Variants in KCNMB2 observed in about 807,000 individuals in gnomAD.
KCNMB2 encodes potassium calcium-activated channel subfamily M regulatory beta subunit 2.
KCNMB2 carries 9 observed loss-of-function variants against 24.5 expected under a neutral mutation model. That is an observed-to-expected ratio of 0.37 (90% CI 0.22 to 0.64). The LOEUF is 0.64. Among genes scored for constraint, KCNMB2 ranks in the 30% least tolerant of loss-of-function variants. The probability of loss-of-function intolerance (pLI) is 0.63; values close to 1 mark genes in which losing one functional copy is unlikely to be tolerated. For missense variants in KCNMB2, 226 were observed against 284.3 expected, an observed-to-expected ratio of 0.79 and a Z score of 1.47; for synonymous variants, 109 against 104.4, an observed-to-expected ratio of 1.04 and a Z score of -0.27.
Position 178,843,783 on chromosome 3 carries a change from T to C in KCNMB2, c.*846T>C, listed in dbSNP as rs765923871. The C allele has an allele frequency of 1.3e-5, 2 of 152,192 alleles. No homozygotes were observed. The highest frequency in any genetic ancestry group is 2.9e-5 in the Non-Finnish European group (2 of 68,020). 9.4% of individuals were successfully genotyped at this position (152,192 alleles called of 1,614,324 possible). On this transcript the variant is annotated 3_prime_UTR_variant, in exon 5 of 5. Coordinates refer to ENST00000452583, the MANE Select transcript of KCNMB2 (RefSeq NM_181361.3). ...CAATTTAACCATTAGATGGTAAAATTAAGATGCTACTTGTTGGTAAAAATT... is the reference window on the plus strand; with the variant it reads ...CAATTTAACCATTAGATGGTAAAATCAAGATGCTACTTGTTGGTAAAAATT...
chr3:178,760,507 CGT>C (rs34063119), intron 1 of KCNMB2, among the ~76,000 whole-genome samples: 16,732 of 117,366 alleles, frequency 0.14, 1,910 homozygotes, highest in Non-Finnish European at 0.21. Flanking sequence ...CCAAGAGTTT[CGT>C]GTGTGTGTGT....
At position 178,584,433 on chromosome 3, in the gene KCNMB2, C is replaced by T. The variant is rs527893492; in HGVS notation, c.-68+47722C>T. Among the ~76,000 whole-genome samples, 58 of 152,154 alleles carry T rather than the reference C, an allele frequency of 3.8e-4. 1 individual carries two copies. In the South Asian group the frequency reaches 0.011, roughly 29 times the overall value. On this transcript the variant is annotated intron_variant, in intron 1 of 4. Transcript: ENST00000452583. ...CCGCAGGTGCTGTCTCCCTCCCTCC[C>T]TCCCTCCCTCTCCAAAAGAAAAAGT...
intron 1 of KCNMB2, among the ~76,000 whole-genome samples, chr3:178,793,569 C>T (rs1031859671): frequency 6.6e-6 from 1 of 152,018 alleles, no homozygotes; most frequent in Non-Finnish European, 1.5e-5. Context: ...TTCCAGCCAG[C>T]CCAGTCTCTG....
intron 1 of KCNMB2, among the ~76,000 whole-genome samples, chr3:178,662,284 A>G (rs2108571992): frequency 6.6e-6 from 1 of 152,324 alleles, no homozygotes; most frequent in East Asian, 1.9e-4. Flanking sequence ...AGCTTTATCC[A>G]ACATCAAAAA....
rs1382330642 is a variant in KCNMB2 at position 178,757,960 on chromosome 3, A to G, written c.-67-49383A>G. Among the ~76,000 whole-genome samples, 11 of 104,924 alleles carry G rather than the reference A, an allele frequency of 1.0e-4. 2 individuals are homozygous for G. Among genetic ancestry groups the G allele is most frequent in the East Asian group, 5.3e-4 (2 of 3,800 alleles). The allele number at this position is 104,924 out of a possible 152,430, so 68.8% of individuals were successfully genotyped here. A position where few individuals can be genotyped will look rare whatever the true frequency, so the allele number is the denominator to read the frequency against. Reference sequence around the variant, plus strand: ...ACACAAGGGGATATATAGACACAAGAGGATATATATATAGACACAAGAGGA... The same window carrying G: ...ACACAAGGGGATATATAGACACAAGGGGATATATATATAGACACAAGAGGA... On this transcript the variant is annotated intron_variant, in intron 1 of 4. Transcript: ENST00000452583.
At chr3:178,824,657 A>C (rs1410495542) in intron 2 of KCNMB2, 4 of 153,082 alleles carry the variant, frequency 2.6e-5, no homozygotes, top group Non-Finnish European at 5.8e-5. Context: ...TACAGGCATG[A>C]GCCACCACAC....
intron 1 of KCNMB2, among the ~76,000 whole-genome samples, chr3:178,648,106 C>A (rs1719983557): frequency 6.6e-6 from 1 of 152,224 alleles, no homozygotes; most frequent in Non-Finnish European, 1.5e-5. Flanking sequence ...TTGTTCCTTA[C>A]CAACACTCTT....
chr3:178,688,464 G>C (rs114118941), intron 1 of KCNMB2, among the ~76,000 whole-genome samples: 1 of 152,042 alleles, frequency 6.6e-6, no homozygotes, highest in Non-Finnish European at 1.5e-5. Flanking sequence ...TTTATAATGG[G>C]AAGAGACCAA....
At chr3:178,783,043 T>C (rs1054458674) in intron 1 of KCNMB2, among the ~76,000 whole-genome samples, 2 of 149,586 alleles carry the variant, frequency 1.3e-5, no homozygotes, top group African/African-American at 2.4e-5. Flanking sequence ...ATTTATTAAA[T>C]AGGGAATCCT....
At chr3:178,605,336 ATTTC>A (rs1458317926) in intron 1 of KCNMB2, among the ~76,000 whole-genome samples, 16 of 152,274 alleles carry the variant, frequency 1.1e-4, no homozygotes, top group Non-Finnish European at 1.9e-4. Flanking sequence ...GGAGAAATAA[ATTTC>A]TGTTGTTTAT....
At chr3:178,737,987 T>G (rs1450485631) in intron 1 of KCNMB2, among the ~76,000 whole-genome samples, 5 of 152,158 alleles carry the variant, frequency 3.3e-5, no homozygotes, top group Non-Finnish European at 1.5e-5. Context: ...TAGCTAAAAA[T>G]TGTCAATATC....
intron 1 of KCNMB2, among the ~76,000 whole-genome samples, chr3:178,664,354 T>C (rs936737313): frequency 2.0e-5 from 3 of 152,220 alleles, no homozygotes; most frequent in Admixed American, 6.5e-5. Flanking sequence ...GGGAGAACAA[T>C]TGAGAGGCTT....
intron 1 of KCNMB2, among the ~76,000 whole-genome samples, chr3:178,621,370 C>T (rs575710558): frequency 1.3e-5 from 2 of 151,928 alleles, no homozygotes; most frequent in African/African-American, 4.8e-5. Context: ...ACCCTTCTCT[C>T]TCTGACATCT....
chr3:178,828,925 CTGTGTGTGTGTGTGTGTGTG>C lies in KCNMB2; in HGVS notation c.423+582_423+601del, dbSNP rs71181254. ...GCATGCTACTTTCAACCCATGGTCA[CTGTGTGTGTGTGTGTGTGTG>C]TGTGTGTGTGTGTGTGTGTGTGTGT... is the stretch of plus-strand genomic sequence containing the variant. On this transcript the variant is annotated intron_variant, in intron 4 of 4. Transcript: ENST00000452583. Among the ~76,000 whole-genome samples the C allele has an allele frequency of 3.5e-3, 493 of 142,842 alleles. 1 individual carries two copies. Among genetic ancestry groups the C allele is most frequent in the Non-Finnish European group, 5.2e-3 (341 of 65,560 alleles). The allele number at this position is 142,842 out of a possible 152,430, so 93.7% of individuals were successfully genotyped here.
chr3:178,599,098 A>G (rs1717987070), intron 1 of KCNMB2, among the ~76,000 whole-genome samples: 1 of 152,146 alleles, frequency 6.6e-6, no homozygotes, highest in Non-Finnish European at 1.5e-5. Context: ...TGGAGAGTGG[A>G]TCGAGAAAGG....
In KCNMB2 at chr3:178,706,379, C is replaced by T. The variant is rs369593163; in HGVS notation, c.-67-100964C>T. Among the ~76,000 whole-genome samples, 29 of 152,196 alleles carry T rather than the reference C, an allele frequency of 1.9e-4. No homozygotes were observed. The East Asian group carries it at 5.4e-3, about 28-fold the overall frequency. ...ACATTCCTTTTTGCAATTATATGCC[C>T]TTGACAAAGGTAAGGTGCCATTAGC... On this transcript the variant is annotated intron_variant, in intron 1 of 4. Coordinates refer to ENST00000452583, the MANE Select transcript of KCNMB2 (RefSeq NM_181361.3).
At chr3:178,780,595 G>A (rs1041316900) in intron 1 of KCNMB2, among the ~76,000 whole-genome samples, 2 of 152,168 alleles carry the variant, frequency 1.3e-5, no homozygotes, top group African/African-American at 4.8e-5. Context: ...ATACCCTGCT[G>A]TAAGGCAAGC....
chr3:178,684,673 C>CA (rs112140382), intron 1 of KCNMB2, among the ~76,000 whole-genome samples: 1 of 151,854 alleles, frequency 6.6e-6, no homozygotes, highest in South Asian at 2.1e-4. Context: ...ACTAAAAATA[C>CA]AAAAAAAGTT....
chr3:178,707,942 T>C (rs1722332357), intron 1 of KCNMB2, among the ~76,000 whole-genome samples: 1 of 152,116 alleles, frequency 6.6e-6, no homozygotes, highest in African/African-American at 2.4e-5. Flanking sequence ...ATCGAATAAT[T>C]TATTTGCTCT....
Sources: gnomAD v4.1 joint callset for allele counts (sites outside exome capture counted in the v4.1 genomes callset) on GRCh38, gnomAD v4.1.1 for gene constraint, MANE v1.5 for transcripts, NCBI Gene and HGNC (gene_info 2026-07-23, HGNC 2026-07-21) for gene names.